Variants in DPP10 observed in about 807,000 individuals in gnomAD.
DPP10 encodes the protein inactive dipeptidyl peptidase 10.
A neutral mutation model predicts 120.9 loss-of-function variants in DPP10; 33 were observed. The ratio of observed to expected loss-of-function variants is 0.27; its 90% CI spans 0.21 to 0.37. The LOEUF is 0.37. Among genes scored for constraint, DPP10 ranks in the 10% least tolerant of loss-of-function variants. The pLI, the probability that DPP10 is intolerant of heterozygous loss-of-function variation, is 1.00. For synonymous variants in DPP10, 337 were observed against 326.1 expected (o/e 1.03, Z -0.36); for missense variants, 816 against 942.8 (o/e 0.87, Z 1.76).
intron 1 of DPP10, among the ~76,000 whole-genome samples, chr2:114,789,290 T>A (rs1445337823): frequency 6.6e-6 from 1 of 152,180 alleles, no homozygotes; most frequent in Non-Finnish European, 1.5e-5. Context: ...GACTAGAGCT[T>A]TGCAAGGTTA....
intron 3 of DPP10, among the ~76,000 whole-genome samples, chr2:115,365,901 A>G (rs1032204272): frequency 2.0e-5 from 3 of 152,102 alleles, no homozygotes; most frequent in African/African-American, 7.2e-5. Context: ...TGACAGAGCT[A>G]GATTTAACAT....
At chr2:114,647,679 TATG>T (rs958642611) in intron 1 of DPP10, among the ~76,000 whole-genome samples, 3 of 151,538 alleles carry the variant, frequency 2.0e-5, no homozygotes, top group Admixed American at 2.0e-4. Context: ...TTCAGACACC[TATG>T]ATGATGATTC....
rs374537309 is a variant in DPP10, at chr2:115,836,698, C to A, written c.2134C>A (p.His712Asn). 1.4e-5 allele frequency: 22 copies of A among 1,613,366 alleles called. No individual in the cohort carries two copies. In the East Asian group the frequency reaches 4.7e-4, roughly 34 times the overall value. ...GGCAGCCAGTGTGCTACATAATGTT[C>A]ATGGCTTGAAAGAAGAAAATATATT... ...YQAASVLHNV[H>N]GLKEENILII... Residue 712 changes from histidine (H) to asparagine (N), a missense_variant, in exon 24 of 26, where the codon CAT (histidine) becomes AAT (asparagine). This residue lies in a region of DPP10 where 592 missense variants were observed against 649.0 expected (regional missense o/e 0.91). Transcript: ENST00000410059.
intron 1 of DPP10, among the ~76,000 whole-genome samples, chr2:115,185,245 C>T (rs201197428): frequency 6.8e-6 from 1 of 146,992 alleles, no homozygotes; most frequent in African/African-American, 2.5e-5. Flanking sequence ...TTTTTTGTTT[C>T]TTTTTTTTTT....
chr2:115,379,200 T>G (rs1459935294), intron 3 of DPP10, among the ~76,000 whole-genome samples: 1 of 152,230 alleles, frequency 6.6e-6, no homozygotes, highest in South Asian at 2.1e-4. Flanking sequence ...TTTTGGTAGG[T>G]AAGCTATTGA....
intron 1 of DPP10, among the ~76,000 whole-genome samples, chr2:114,802,185 A>G (rs1453097777): frequency 1.3e-5 from 2 of 152,226 alleles, no homozygotes; most frequent in African/African-American, 2.4e-5. Context: ...GCTTAAATAC[A>G]TAACCTGGGA....
chr2:115,386,773 TC>T (rs780851560), intron 3 of DPP10, among the ~76,000 whole-genome samples: 2 of 152,126 alleles, frequency 1.3e-5, no homozygotes, highest in African/African-American at 2.4e-5. Flanking sequence ...TTCATTCCTC[TC>T]ACAATAATCC....
intron 1 of DPP10, among the ~76,000 whole-genome samples, chr2:114,445,534 C>CTGTG (rs145248880): frequency 0.05 from 7,245 of 143,530 alleles, 206 homozygotes; most frequent in South Asian, 0.065. Flanking sequence ...AAAAACAGCT[C>CTGTG]TGTGTGTGTG....
At chr2:114,910,826 T>G (rs1259434148) in intron 1 of DPP10, among the ~76,000 whole-genome samples, 1 of 152,116 alleles carries the variant, frequency 6.6e-6, no homozygotes, top group African/African-American at 2.4e-5. Context: ...TTTTGATACA[T>G]TTTTTTCAAT....
chr2:115,013,803 A>G (rs1369824399), intron 1 of DPP10, among the ~76,000 whole-genome samples: 1 of 152,142 alleles, frequency 6.6e-6, no homozygotes, highest in Non-Finnish European at 1.5e-5. Context: ...ACTATCCTAA[A>G]TATATATACA....
intron 1 of DPP10, among the ~76,000 whole-genome samples, chr2:114,669,998 A>G (rs1278781612): frequency 1.3e-5 from 2 of 152,152 alleles, no homozygotes; most frequent in South Asian, 4.1e-4. Context: ...TAGAATGGCA[A>G]TCATTAAAAA....
In DPP10 at chr2:115,599,423, C is replaced by T. The variant is rs77496576; in HGVS notation, c.441+73451C>T. On this transcript the variant is annotated intron_variant, in intron 5 of 25. Coordinates refer to ENST00000410059, the MANE Select transcript of DPP10 (RefSeq NM_020868.6). ...AAATTTATTGACAGATTTTCAAGTTCACTGGCCATTTTCTCTTTCATCTCC... is the reference window on the plus strand; with the variant it reads ...AAATTTATTGACAGATTTTCAAGTTTACTGGCCATTTTCTCTTTCATCTCC... 7.6e-3 allele frequency among the ~76,000 whole-genome samples: 1,156 copies of T among 152,260 alleles called. 15 individuals are homozygous for T. The highest frequency in any genetic ancestry group is 0.027 in the African/African-American group (1,115 of 41,568).
chr2:114,737,369 T>G (rs769908648), intron 1 of DPP10, among the ~76,000 whole-genome samples: 37 of 152,334 alleles, frequency 2.4e-4, no homozygotes, highest in Middle Eastern at 6.8e-3. Flanking sequence ...AGAAGACATC[T>G]TGCAGTTTAC....
chr2:115,625,461 G>A (rs974706850), intron 5 of DPP10, among the ~76,000 whole-genome samples: 51 of 152,112 alleles, frequency 3.4e-4, no homozygotes, highest in Admixed American at 2.0e-4. Context: ...ACTTCATTAT[G>A]ACAGTGTTAG....
intron 1 of DPP10, among the ~76,000 whole-genome samples, chr2:115,226,092 G>C (rs991203855): frequency 6.6e-6 from 1 of 152,110 alleles, no homozygotes; most frequent in African/African-American, 2.4e-5. Flanking sequence ...CATACAGGCT[G>C]CACATGCTAA....
chr2:114,932,805 C>A (rs1315013359), intron 1 of DPP10, among the ~76,000 whole-genome samples: 2 of 152,066 alleles, frequency 1.3e-5, no homozygotes, highest in Non-Finnish European at 2.9e-5. Flanking sequence ...ATATGTTATA[C>A]CTCAAAAAGA....
intron 1 of DPP10, among the ~76,000 whole-genome samples, chr2:115,100,670 A>G (rs971088411): frequency 6.6e-6 from 1 of 152,082 alleles, no homozygotes; most frequent in Non-Finnish European, 1.5e-5. Context: ...AAATATGCTG[A>G]CTGACATGAA....
chr2:115,532,207 G>A (rs1352238518), intron 5 of DPP10, among the ~76,000 whole-genome samples: 4 of 152,036 alleles, frequency 2.6e-5, no homozygotes, highest in Admixed American at 2.0e-4. Context: ...TGCCGTGGAA[G>A]TGTGTTTATC....
intron 5 of DPP10, among the ~76,000 whole-genome samples, chr2:115,650,244 C>G (rs553390343): frequency 1.3e-5 from 2 of 152,046 alleles, no homozygotes; most frequent in African/African-American, 4.8e-5. Flanking sequence ...CTTTTAATCA[C>G]TTCAACTTGA....
Sources: allele counts gnomAD v4.1 joint callset (sites outside exome capture counted in the v4.1 genomes callset), GRCh38; gene constraint gnomAD v4.1.1; regional missense constraint gnomAD v4.1.1; transcripts MANE v1.5; gene names NCBI Gene and HGNC (gene_info 2026-07-23, HGNC 2026-07-21).